ARHGAP26: variants seen among roughly 807,000 people sequenced by gnomAD.
ARHGAP26 encodes the protein Rho GTPase activating protein 26.
ARHGAP26 carries 38 observed loss-of-function variants against 104.8 expected under a neutral mutation model. The observed-to-expected ratio is 0.36, with a 90% CI of 0.28 to 0.48. The LOEUF is 0.48. ARHGAP26 is among the 20% of genes least tolerant of loss of function. The probability of loss-of-function intolerance (pLI) is 0.99; values close to 1 mark genes in which losing one functional copy is unlikely to be tolerated. For synonymous variants in ARHGAP26, 341 were observed against 340.0 expected (o/e 1.00, Z -0.03); for missense variants, 704 against 947.9 (o/e 0.74, Z 3.38).
intron 17 of ARHGAP26, among the ~76,000 whole-genome samples, chr5:143,114,461 T>C (rs571972226): frequency 1.3e-5 from 2 of 152,270 alleles, no homozygotes; most frequent in South Asian, 4.2e-4. Context: ...AAGGATAGAT[T>C]TAAGGCTGGT....
At chr5:143,091,414 A>G (rs1251526349) in intron 17 of ARHGAP26, among the ~76,000 whole-genome samples, 1 of 152,202 alleles carries the variant, frequency 6.6e-6, no homozygotes, top group Middle Eastern at 3.2e-3. Context: ...TATAATTTCT[A>G]AGAAACTGAT....
chr5:143,208,283 T>G (rs1330040425), intron 21 of ARHGAP26, among the ~76,000 whole-genome samples: 1 of 152,232 alleles, frequency 6.6e-6, no homozygotes, highest in African/African-American at 2.4e-5. Context: ...TCTCTCAAGC[T>G]TAGTCTCAGC....
chr5:143,189,758 A>AT (rs1805652419), intron 20 of ARHGAP26, among the ~76,000 whole-genome samples: 1 of 152,096 alleles, frequency 6.6e-6, no homozygotes, highest in Non-Finnish European at 1.5e-5. Flanking sequence ...GAGCTTTGAT[A>AT]TTTTTCTCCT....
chr5:143,070,506 A>T (rs1788087480), intron 17 of ARHGAP26, among the ~76,000 whole-genome samples: 2 of 152,256 alleles, frequency 1.3e-5, no homozygotes, highest in Admixed American at 1.3e-4. Flanking sequence ...ATTGAAGAGA[A>T]TACAAACAAA....
At chr5:143,009,310 G>A (rs757785631) in intron 11 of ARHGAP26, among the ~76,000 whole-genome samples, 49 of 152,086 alleles carry the variant, frequency 3.2e-4, no homozygotes, top group Admixed American at 1.4e-3. Context: ...CATCATCATC[G>A]TCGTCATTGT....
chr5:142,917,313 A>G (rs1762616672), intron 10 of ARHGAP26, among the ~76,000 whole-genome samples: 1 of 152,164 alleles, frequency 6.6e-6, no homozygotes, highest in Non-Finnish European at 1.5e-5. Flanking sequence ...TGCTGGGATT[A>G]CAGGCGTGAG....
chr5:143,004,794 G>C (rs1777701906), intron 11 of ARHGAP26, among the ~76,000 whole-genome samples: 1 of 152,198 alleles, frequency 6.6e-6, no homozygotes, highest in African/African-American at 2.4e-5. Context: ...AGTGAGCAGA[G>C]CCAGAGGGTG....
At chr5:143,065,983 TCCC>T (rs1787420518) in intron 17 of ARHGAP26, among the ~76,000 whole-genome samples, 3 of 152,114 alleles carry the variant, frequency 2.0e-5, no homozygotes, top group African/African-American at 2.4e-5. Flanking sequence ...TCCGCCTCAT[TCCC>T]CCAAGAATCC....
At chr5:142,895,814 G>C (rs1382322332) in intron 6 of ARHGAP26, among the ~76,000 whole-genome samples, 1 of 152,104 alleles carries the variant, frequency 6.6e-6, no homozygotes, top group African/African-American at 2.4e-5. Flanking sequence ...GCAACATAGT[G>C]AGACTCCATC....
intron 1 of ARHGAP26, among the ~76,000 whole-genome samples, chr5:142,801,664 A>G (rs1414542672): frequency 6.6e-6 from 1 of 151,848 alleles, no homozygotes; most frequent in African/African-American, 2.4e-5. Flanking sequence ...TCCAAAGGCA[A>G]ATATGATGAT....
chr5:143,105,517 G>C (rs554173164), intron 17 of ARHGAP26, among the ~76,000 whole-genome samples: 86 of 152,266 alleles, frequency 5.6e-4, no homozygotes, highest in African/African-American at 1.8e-3. Context: ...TATTGCGTAA[G>C]TTTTCTTCTG....
intron 22 of ARHGAP26, among the ~76,000 whole-genome samples, chr5:143,215,902 A>G (rs1231065949): frequency 6.6e-6 from 1 of 152,152 alleles, no homozygotes; most frequent in Admixed American, 6.5e-5. Flanking sequence ...TGCTTGAATA[A>G]TGCTGCTGTG....
intron 20 of ARHGAP26, among the ~76,000 whole-genome samples, chr5:143,189,546 A>C (rs757281198): frequency 2.0e-5 from 3 of 152,062 alleles, no homozygotes; most frequent in Non-Finnish European, 4.4e-5. Flanking sequence ...TGCTTTACAC[A>C]CTCATAAGTA....
In ARHGAP26 at chr5:142,961,344, T is replaced by C. The variant is rs1048367575; in HGVS notation, c.1107+29219T>C. ...CATCTCTACAAAAAATACAAAAAACTAGCCGGGCATGGTGGTGTGCACCTG... is the reference window on the plus strand; with the variant it reads ...CATCTCTACAAAAAATACAAAAAACCAGCCGGGCATGGTGGTGTGCACCTG... On this transcript the variant is annotated intron_variant, in intron 11 of 22. Coordinates refer to ENST00000645722, the MANE Select transcript of ARHGAP26 (RefSeq NM_001135608.3). 2.0e-5 allele frequency among the ~76,000 whole-genome samples: 3 copies of C among 151,808 alleles called. No individual in the cohort carries two copies. In the East Asian group the frequency reaches 5.8e-4, roughly 29 times the overall value.
At chr5:142,991,131 G>A (rs1034876122) in intron 11 of ARHGAP26, among the ~76,000 whole-genome samples, 15 of 152,178 alleles carry the variant, frequency 9.9e-5, no homozygotes, top group African/African-American at 3.4e-4. Context: ...CTTCCTGGCC[G>A]CTTTGTTTAC....
At chr5:143,073,570 GC>G (rs1788566085) in intron 17 of ARHGAP26, among the ~76,000 whole-genome samples, 1 of 152,164 alleles carries the variant, frequency 6.6e-6, no homozygotes, top group Non-Finnish European at 1.5e-5. Context: ...GGCCCAGCAG[GC>G]AAGAGGTTCT....
chr5:142,817,791 G>T (rs77265288), intron 1 of ARHGAP26, among the ~76,000 whole-genome samples: 2,159 of 152,228 alleles, frequency 0.014, 51 homozygotes, highest in African/African-American at 0.049. Flanking sequence ...GTGGAGAGTG[G>T]TTGTATCAGC....
intron 1 of ARHGAP26, among the ~76,000 whole-genome samples, chr5:142,821,175 G>A (rs1766092845): frequency 6.6e-6 from 1 of 152,072 alleles, no homozygotes; most frequent in African/African-American, 2.4e-5. Context: ...TGTTTCTGTG[G>A]ACCAAGAGAA....
chr5:143,032,600 C>G (rs1782034718), intron 12 of ARHGAP26, among the ~76,000 whole-genome samples: 1 of 152,152 alleles, frequency 6.6e-6, no homozygotes, highest in Non-Finnish European at 1.5e-5. Flanking sequence ...TGATAGTGTT[C>G]TAAACCTTTT....
Sources: gnomAD v4.1 joint callset for allele counts (sites outside exome capture counted in the v4.1 genomes callset) on GRCh38, gnomAD v4.1.1 for gene constraint, MANE v1.5 for transcripts, NCBI Gene and HGNC (gene_info 2026-07-23, HGNC 2026-07-21) for gene names.